Variants in NCOA4 observed in about 807,000 individuals in gnomAD.
NCOA4 encodes the protein 70 kDa AR-activator.
In NCOA4, 31 loss-of-function variants were observed where a neutral mutation model predicts 69.5. That is an observed-to-expected ratio of 0.45 (90% CI 0.34 to 0.60). NCOA4 has a LOEUF of 0.60. Among genes scored for constraint, NCOA4 ranks in the 20% least tolerant of loss-of-function variants. The probability of loss-of-function intolerance (pLI) is 0.02; values close to 1 mark genes in which losing one functional copy is unlikely to be tolerated. For synonymous variants in NCOA4, 228 were observed against 252.4 expected, an observed-to-expected ratio of 0.90 and a Z score of 0.92; for missense variants, 600 against 719.2, an observed-to-expected ratio of 0.83 and a Z score of 1.90.
chr10:46,023,294 G>A, intron 1 of NCOA4: 1 of 985,538 alleles, frequency 1.0e-6, no homozygotes, highest in Non-Finnish European at 1.2e-6. Flanking sequence ...CCGGCCTCAA[G>A]GGCTCCCGCT....
At chr10:46,030,243 G>C (rs1398125472) in intron 1 of NCOA4, among the ~76,000 whole-genome samples, 1 of 152,094 alleles carries the variant, frequency 6.6e-6, no homozygotes, top group African/African-American at 2.4e-5. Flanking sequence ...GCCCACGGCC[G>C]GGCACGAGGA....
intron 7 of NCOA4, among the ~76,000 whole-genome samples, chr10:46,012,090 A>AAAAAAAAG (rs1839260875): frequency 6.8e-6 from 1 of 147,362 alleles, no homozygotes; most frequent in Non-Finnish European, 1.5e-5. Context: ...AAAAAAAAAA[A>AAAAAAAAG]AAAAAAAAAA....
intron 8 of NCOA4, among the ~76,000 whole-genome samples, chr10:46,009,920 AG>A: frequency 6.6e-6 from 1 of 152,286 alleles, no homozygotes; most frequent in Non-Finnish European, 1.5e-5. Context: ...TAATCCCAGC[AG>A]TTTAGGAGAC....
At chr10:46,010,060 G>A (rs1554920784) in intron 8 of NCOA4, among the ~76,000 whole-genome samples, 163 bp downstream of exon 8, 1 of 152,176 alleles carries the variant, frequency 6.6e-6, no homozygotes, top group Non-Finnish European at 1.5e-5. Flanking sequence ...TACTCAGGAG[G>A]CTGTAGTGCG....
At chr10:46,014,269 G>A (rs1032891874) in intron 5 of NCOA4, among the ~76,000 whole-genome samples, 175 bp downstream of exon 5, 8 of 152,070 alleles carry the variant, frequency 5.3e-5, no homozygotes, top group Non-Finnish European at 5.9e-5. Context: ...CGCCCTCCTC[G>A]GCCTCCCAAA....
chr10:46,019,228 A>T, intron 1 of NCOA4: 1 of 677,650 alleles, frequency 1.5e-6, no homozygotes, highest in Non-Finnish European at 1.8e-6. Flanking sequence ...AACAGTGGTT[A>T]CTTTGCAGCC....
chr10:46,016,676 T>C lies in NCOA4; in HGVS notation c.5A>G (p.Asn2Ser), dbSNP rs782085817. The C allele has an allele frequency of 3.4e-6, 5 of 1,473,910 alleles. No homozygotes were observed. The highest frequency in any genetic ancestry group is 3.6e-6 in the Non-Finnish European group (4 of 1,099,316). The allele number at this position is 1,473,910 out of a possible 1,614,324, so 91.3% of individuals were successfully genotyped here. A position where few individuals can be genotyped will look rare whatever the true frequency, so the allele number is the denominator to read the frequency against. ...GCTGCCACTCTGGTCTTGGAAGGTA[T>C]TCATTCTCCTCACTGCTCCTTTAAA... is the stretch of plus-strand genomic sequence containing the variant. Reference protein sequence around the residue: MNTFQDQSGSSS... With the variant: MSTFQDQSGSSS... Residue 2 changes from asparagine (N) to serine (S), a missense_variant, in exon 2 of 10, where the codon AAT becomes AGT. Transcript: ENST00000581486.
chr10:46,025,099 G>C lies in NCOA4; in HGVS notation c.-15+5427C>G, dbSNP rs117840388. On this transcript the variant is annotated intron_variant, in intron 1 of 9. Coordinates refer to ENST00000581486, the MANE Select transcript of NCOA4 (RefSeq NM_001145263.2). The stretch of plus-strand genomic sequence containing the variant: ...CCTGGGATGCCAGTACCATGGCTCA[G>C]TCCAAGTGCAAAGGCCTCAGAACCA... Among the ~76,000 whole-genome samples the C allele has an allele frequency of 4.7e-3, 722 of 152,326 alleles. 5 individuals carry two copies. Among genetic ancestry groups the C allele is most frequent in the East Asian group, 0.019 (98 of 5,182 alleles).
intron 9 of NCOA4, among the ~76,000 whole-genome samples, chr10:46,008,449 TG>T (rs1838981594): frequency 6.6e-6 from 1 of 152,208 alleles, no homozygotes; most frequent in Non-Finnish European, 1.5e-5. Flanking sequence ...AGGAAGTAAC[TG>T]CAGATGTGGT....
intron 3 of NCOA4, 26 bp from the exon 4 acceptor site, chr10:46,014,968 C>CCA (rs1334445229): frequency 4.4e-6 from 7 of 1,602,872 alleles, no homozygotes; most frequent in African/African-American, 1.3e-5. Flanking sequence ...AACCAACTAG[C>CCA]CACAATGACA....
intron 9 of NCOA4, 35 bp downstream of exon 9, chr10:46,009,374 CTA>C: frequency 1.3e-6 from 2 of 1,589,366 alleles, no homozygotes; most frequent in South Asian, 2.3e-5. Flanking sequence ...TTATAAATAG[CTA>C]TAATCTAATT....
intron 1 of NCOA4, among the ~76,000 whole-genome samples, chr10:46,017,096 G>A (rs190606901): frequency 6.6e-6 from 1 of 152,338 alleles, no homozygotes; most frequent in East Asian, 1.9e-4. Flanking sequence ...AAAAGGTACA[G>A]AAGGATCTTT....
intron 7 of NCOA4, among the ~76,000 whole-genome samples, chr10:46,011,838 G>C (rs1839227963): frequency 1.3e-5 from 2 of 151,368 alleles, no homozygotes; most frequent in African/African-American, 2.4e-5. Context: ...CAGATCACAA[G>C]GTCAGATAGA....
Position 46,024,436 on chromosome 10 carries a change from T to C in NCOA4, c.-15+6090A>G, listed in dbSNP as rs116387785. 4.8e-3 allele frequency among the ~76,000 whole-genome samples: 724 copies of C among 152,298 alleles called. 5 individuals are homozygous for C. The highest frequency in any genetic ancestry group is 0.019 in the East Asian group (98 of 5,178). On this transcript the variant is annotated intron_variant, in intron 1 of 9. Transcript: ENST00000581486. ...CCTACTTAACCAACGGTCTCTGTTCTCTCTCTAAAAGATCCTGACCAACGC... is the reference window on the plus strand; with the variant it reads ...CCTACTTAACCAACGGTCTCTGTTCCCTCTCTAAAAGATCCTGACCAACGC...
chr10:46,008,135 G>T (rs1410056866), intron 9 of NCOA4, among the ~76,000 whole-genome samples: 1 of 152,216 alleles, frequency 6.6e-6, no homozygotes, highest in Non-Finnish European at 1.5e-5. Flanking sequence ...TGGAGATGCA[G>T]AAGGAGATTA....
At chr10:46,019,422 C>T (rs2132356433) in intron 1 of NCOA4, 1 of 985,458 alleles carries the variant, frequency 1.0e-6, no homozygotes, top group Non-Finnish European at 1.2e-6. Context: ...ACCTGTTTAG[C>T]AGTCTTTCAA....
intron 7 of NCOA4, 129 bp downstream of exon 7, chr10:46,012,754 A>C: frequency 1.2e-6 from 1 of 841,566 alleles, no homozygotes; most frequent in South Asian, 4.0e-5. Flanking sequence ...TCTATGATGA[A>C]GAGACTATTA....
At chr10:46,025,387 A>T (rs1270495673) in intron 1 of NCOA4, among the ~76,000 whole-genome samples, 1 of 152,168 alleles carries the variant, frequency 6.6e-6, no homozygotes, top group Non-Finnish European at 1.5e-5. Context: ...TCACACCCCA[A>T]TATCCTCTGG....
intron 1 of NCOA4, among the ~76,000 whole-genome samples, chr10:46,020,865 C>A (rs533721002): frequency 6.6e-6 from 1 of 152,198 alleles, no homozygotes; most frequent in East Asian, 1.9e-4. Context: ...CAAAATATTG[C>A]CTTGCCATCT....
Sources: gnomAD v4.1 joint callset for allele counts (sites outside exome capture counted in the v4.1 genomes callset) on GRCh38, gnomAD v4.1.1 for gene constraint, MANE v1.5 for transcripts, NCBI Gene and HGNC (gene_info 2026-07-23, HGNC 2026-07-21) for gene names.